RFX6: variants seen among roughly 807,000 people sequenced by gnomAD.
RFX6 encodes regulatory factor X6, also known as DNA-binding protein RFX6.
In RFX6, 50 loss-of-function variants were observed where a neutral mutation model predicts 110.8. The ratio of observed to expected loss-of-function variants is 0.45; its 90% CI spans 0.36 to 0.57. The LOEUF is 0.57. RFX6 is among the 20% of genes least tolerant of loss of function. The pLI, the probability that RFX6 is intolerant of heterozygous loss-of-function variation, is 0.00. For synonymous variants in RFX6, 383 were observed against 411.2 expected, an observed-to-expected ratio of 0.93 and a Z score of 0.83; for missense variants, 990 against 1,127.0, an observed-to-expected ratio of 0.88 and a Z score of 1.74.
At chr6:116,906,492 C>T (rs1775205086) in intron 6 of RFX6, among the ~76,000 whole-genome samples, 1 of 152,048 alleles carries the variant, frequency 6.6e-6, no homozygotes, top group South Asian at 2.1e-4. Flanking sequence ...AATCCATGAA[C>T]ATAGAATGTC....
At chr6:116,916,111 T>C in intron 8 of RFX6, 26 bp downstream of exon 8, 3 of 1,566,268 alleles carry the variant, frequency 1.9e-6, no homozygotes, top group Non-Finnish European at 2.6e-6. Flanking sequence ...AATGCTTTAT[T>C]TGACCCTATT....
chr6:116,894,981 A>G (rs1317781768), intron 5 of RFX6, among the ~76,000 whole-genome samples, 199 bp from the exon 6 acceptor site: 1 of 152,050 alleles, frequency 6.6e-6, no homozygotes, highest in Non-Finnish European at 1.5e-5. Context: ...AATATTATTC[A>G]TTTACTTTTT....
intron 6 of RFX6, among the ~76,000 whole-genome samples, chr6:116,907,864 C>T (rs1016261549): frequency 6.6e-6 from 1 of 151,816 alleles, no homozygotes; most frequent in African/African-American, 2.4e-5. Flanking sequence ...TTCATTTCTC[C>T]CTTTAATTTT....
chr6:116,892,552 C>A (rs1774855179), intron 4 of RFX6, among the ~76,000 whole-genome samples: 1 of 152,216 alleles, frequency 6.6e-6, no homozygotes, highest in Admixed American at 6.5e-5. Context: ...GTAGGTGATG[C>A]AGATGCAGCT....
At position 116,931,645 on chromosome 6, in the gene RFX6, T is replaced by C. The variant is rs1244512329; in HGVS notation, c.*139T>C. 3 of 656,724 alleles carry C rather than the reference T, an allele frequency of 4.6e-6. No individual in the cohort carries two copies. The highest frequency in any genetic ancestry group is 2.7e-5 in the East Asian group (1 of 36,728). The allele number at this position is 656,724 out of a possible 1,614,324, so 40.7% of individuals were successfully genotyped here. A position where few individuals can be genotyped will look rare whatever the true frequency, so the allele number is the denominator to read the frequency against. ...CATTGTTTTAAAGTCACTGGTACTA[T>C]GGACAACTCCATAGTGAATGGAGAT... On this transcript the variant is annotated 3_prime_UTR_variant, in exon 19 of 19. Transcript: ENST00000332958.
In RFX6 at chr6:116,901,341, C is replaced by T. The variant is rs993777103; in HGVS notation, c.672+6134C>T. Among the ~76,000 whole-genome samples the T allele has an allele frequency of 2.2e-5, 3 of 133,982 alleles. No homozygotes were observed. The Admixed American group carries it at 2.4e-4, about 11-fold the overall frequency. The allele number at this position is 133,982 out of a possible 152,430, so 87.9% of individuals were successfully genotyped here. A position where few individuals can be genotyped will look rare whatever the true frequency, so the allele number is the denominator to read the frequency against. ...TATTGTAGCTGCTAGCCACATGTGACTATTAATTAAGTAAAGTAAAAAATG... is the reference window on the plus strand; with the variant it reads ...TATTGTAGCTGCTAGCCACATGTGATTATTAATTAAGTAAAGTAAAAAATG... On this transcript the variant is annotated intron_variant, in intron 6 of 18. Coordinates refer to ENST00000332958, the MANE Select transcript of RFX6 (RefSeq NM_173560.4).
chr6:116,906,971 C>T (rs545985097), intron 6 of RFX6, among the ~76,000 whole-genome samples: 4 of 151,320 alleles, frequency 2.6e-5, no homozygotes, highest in African/African-American at 9.7e-5. Context: ...AGCTTTCAGT[C>T]TTTCACCATT....
intron 16 of RFX6, among the ~76,000 whole-genome samples, chr6:116,926,451 C>T (rs1775735496): frequency 6.6e-6 from 1 of 152,224 alleles, no homozygotes; most frequent in Non-Finnish European, 1.5e-5. Flanking sequence ...TGCCTTGTGT[C>T]TTTTTTGAAA....
In RFX6 at chr6:116,919,332, C is replaced by T. The variant is rs372759436; in HGVS notation, c.1182+36C>T. ...TGCTAAGTCGAGAGCATTTGAGTCACCATATAAAAAATGAATCTTCTGAGA... is the reference window on the plus strand; with the variant it reads ...TGCTAAGTCGAGAGCATTTGAGTCATCATATAAAAAATGAATCTTCTGAGA... On this transcript the variant is annotated intron_variant, in intron 11 of 18. Transcript: ENST00000332958. The T allele has an allele frequency of 5.7e-6, 9 of 1,583,066 alleles. No individual in the cohort carries two copies. The African/African-American group carries it at 9.4e-5, about 17-fold the overall frequency.
chr6:116,897,752 G>T (rs1774980987), intron 6 of RFX6, among the ~76,000 whole-genome samples: 2 of 152,162 alleles, frequency 1.3e-5, no homozygotes, highest in Admixed American at 1.3e-4. Flanking sequence ...AGAAGTAACT[G>T]ATTTTAGTTG....
chr6:116,899,427 A>G (rs1582519399), intron 6 of RFX6, among the ~76,000 whole-genome samples: 1 of 152,192 alleles, frequency 6.6e-6, no homozygotes, highest in Non-Finnish European at 1.5e-5. Flanking sequence ...TGTCTGCCAC[A>G]TATCAAAATA....
Position 116,877,811 on chromosome 6 carries a change from A to G in RFX6, c.239A>G (p.Asn80Ser). 1 of 1,614,052 alleles carries G rather than the reference A, an allele frequency of 6.2e-7. No individual in the cohort carries two copies. Among genetic ancestry groups the G allele is most frequent in the Non-Finnish European group, 8.5e-7 (1 of 1,179,982 alleles). ...GAVKSEMHLN[N>S]GNFSSEEEDA... Reference sequence around the variant, plus strand: ...TGGCAATCAGAAATGCACTTAAACAATGGTAACTTTTCCTCTGAAGAAGAG... The same window carrying G: ...TGGCAATCAGAAATGCACTTAAACAGTGGTAACTTTTCCTCTGAAGAAGAG... The change falls in exon 2 of 19, where the codon AAT (asparagine) becomes AGT (serine). Residue 80 changes from asparagine to serine, a missense_variant. Physicochemically the swap from Asn to Ser is conservative, Grantham distance 46 (BLOSUM62 1). Transcript: ENST00000332958.
In RFX6 at chr6:116,920,419, G is replaced by A; in HGVS notation, c.1292G>A (p.Gly431Asp). The stretch of plus-strand genomic sequence containing the variant: ...TCTCAAGCCCTTCTTACCATTTCAG[G>A]CAGCACAGACACTGAATCTGGTATC... ...IGSQALLTIS[G>D]STDTESGIYT... is the part of the protein sequence containing the mutation. The change falls in exon 12 of 19, where the codon GGC (glycine) becomes GAC (aspartate). Residue 431 changes from glycine (G) to aspartate (D), a missense_variant. Physicochemically the swap from Gly to Asp is moderately conservative, Grantham distance 94. This residue lies in a region of RFX6 where 45 missense variants were observed against 29.3 expected (regional missense o/e 1.53). Transcript: ENST00000332958. The A allele has an allele frequency of 6.2e-7, 1 of 1,613,248 alleles. No individual in the cohort carries two copies. Among genetic ancestry groups the A allele is most frequent in the Non-Finnish European group, 8.5e-7 (1 of 1,179,406 alleles).
chr6:116,901,539 G>A (rs990893519), intron 6 of RFX6, among the ~76,000 whole-genome samples: 1 of 152,122 alleles, frequency 6.6e-6, no homozygotes, highest in African/African-American at 2.4e-5. Context: ...ATATGAAGAG[G>A]CAATTAATTC....
In RFX6 at chr6:116,908,028, C is replaced by T. The variant is rs575594285; in HGVS notation, c.673-2907C>T. 2.4e-4 allele frequency among the ~76,000 whole-genome samples: 37 copies of T among 152,182 alleles called. 1 individual carries two copies. The South Asian group carries it at 7.3e-3, about 30-fold the overall frequency. On this transcript the variant is annotated intron_variant, in intron 6 of 18. Coordinates refer to ENST00000332958, the MANE Select transcript of RFX6 (RefSeq NM_173560.4). ...GTATAATATCCTTGTCTGTTACACA[C>T]CTTTTAAAATTTAGAGTCTATTTTG...
chr6:116,887,797 G>T (rs576762398), intron 4 of RFX6, among the ~76,000 whole-genome samples: 1 of 152,158 alleles, frequency 6.6e-6, no homozygotes, highest in South Asian at 2.1e-4. Context: ...TTTTACTGAG[G>T]GTCCCGTTGC....
At position 116,920,300 on chromosome 6, in the gene RFX6, C is replaced by T. The variant is rs754997865; in HGVS notation, c.1183-10C>T. 5 of 1,606,438 alleles carry T rather than the reference C, an allele frequency of 3.1e-6. No individual in the cohort carries two copies. The highest frequency in any genetic ancestry group is 4.3e-6 in the Non-Finnish European group (5 of 1,173,106). On this transcript the variant is annotated splice_polypyrimidine_tract_variant and intron_variant, in intron 11 of 18. Coordinates refer to ENST00000332958, the MANE Select transcript of RFX6 (RefSeq NM_173560.4). The stretch of plus-strand genomic sequence containing the variant: ...TATAGTGTAGTGTCTTCTTTACTTT[C>T]TCTATGCAGATTGCCAGACCAGCTC...
At chr6:116,900,595 TA>T (rs906297419) in intron 6 of RFX6, among the ~76,000 whole-genome samples, 5 of 151,638 alleles carry the variant, frequency 3.3e-5, no homozygotes, top group South Asian at 2.1e-4. Flanking sequence ...TATTTTTATT[TA>T]AAAAAAATTT....
At position 116,931,845 on chromosome 6, in the gene RFX6, G is replaced by T; in HGVS notation, c.*339G>T. 4.5e-6 allele frequency: 1 copy of T among 222,078 alleles called. No individual in the cohort carries two copies. The highest frequency in any genetic ancestry group is 2.3e-5 in the African/African-American group (1 of 43,074). The allele number at this position is 222,078 out of a possible 1,614,324, so 13.8% of individuals were successfully genotyped here. A position where few individuals can be genotyped will look rare whatever the true frequency, so the allele number is the denominator to read the frequency against. On this transcript the variant is annotated 3_prime_UTR_variant, in exon 19 of 19. Coordinates refer to ENST00000332958, the MANE Select transcript of RFX6 (RefSeq NM_173560.4). ...ACATCTGTGTGCCTTTTTATCTTTG[G>T]TTTCTTTTAAAAAGTATATTTAATG...
Sources: gnomAD v4.1 joint callset for allele counts (sites outside exome capture counted in the v4.1 genomes callset) on GRCh38, gnomAD v4.1.1 for gene constraint, gnomAD v4.1.1 regional missense constraint, MANE v1.5 for transcripts, NCBI Gene and HGNC (gene_info 2026-07-23, HGNC 2026-07-21) for gene names.